LCTL: variants seen among roughly 807,000 people sequenced by gnomAD.
LCTL encodes lactase-like protein.
LCTL carries 76 observed loss-of-function variants against 75.8 expected under a neutral mutation model. That is an observed-to-expected ratio of 1.00 (90% CI 0.83 to 1.21). LCTL has a LOEUF of 1.21. Among genes scored for constraint, LCTL ranks in the 50% most tolerant of loss-of-function variants. The pLI, the probability that LCTL is intolerant of heterozygous loss-of-function variation, is 0.00. For missense variants in LCTL, 670 were observed against 712.4 expected (o/e 0.94, Z 0.68); for synonymous variants, 271 against 268.8 (o/e 1.01, Z -0.08).
intron 5 of LCTL, 34 bp from the exon 7 acceptor site, chr15:66,561,135 T>C (rs752315997): frequency 1.3e-5 from 21 of 1,613,980 alleles, no homozygotes; most frequent in Non-Finnish European, 1.7e-5. Flanking sequence ...ACAGGATCCA[T>C]AAGAAGTGGC....
chr15:66,563,537 C>T, exon 4 of LCTL: 1 of 1,612,196 alleles, frequency 6.2e-7, no homozygotes, highest in Admixed American at 1.7e-5. Context: ...CCCAGTGGTG[C>T]AAGGTCACGA....
intron 1 of LCTL, 21 bp downstream of exon 2, chr15:66,565,227 C>T (rs746287908): frequency 1.3e-4 from 191 of 1,501,392 alleles, no homozygotes; most frequent in Non-Finnish European, 1.7e-4. Context: ...GGCAGACAGA[C>T]GAACAGAGGC....
At chr15:66,559,726 C>T (rs1013130035) in intron 6 of LCTL, among the ~76,000 whole-genome samples, 1 of 151,962 alleles carries the variant, frequency 6.6e-6, no homozygotes, top group African/African-American at 2.4e-5. Flanking sequence ...TAAATAATCG[C>T]GTCTCTTCAG....
In LCTL at chr15:66,565,276, G is replaced by T. The variant is rs115106555; in HGVS notation, c.90C>A (p.Ala30=). The change falls in exon 1 of 13, where the codon GCC becomes GCA. Residue 30 remains alanine, a synonymous_variant. Transcript: ENST00000341509. Reference sequence around the variant, plus strand: ...GAGGGAAGGTTCCATAGTAGAAGGAGGCCTCTTCTGGGGACCCCTTCCGGG... The same window carrying T: ...GAGGGAAGGTTCCATAGTAGAAGGATGCCTCTTCTGGGGACCCCTTCCGGG... 1,467 of 1,613,238 alleles carry T rather than the reference G, an allele frequency of 9.1e-4. 8 individuals are homozygous for T. The African/African-American group carries it at 0.016, about 18-fold the overall frequency.
intron 8 of LCTL, among the ~76,000 whole-genome samples, chr15:66,556,968 C>A (rs1182695843): frequency 6.6e-6 from 1 of 152,042 alleles, no homozygotes; most frequent in Non-Finnish European, 1.5e-5. Flanking sequence ...CCAAGAAAGC[C>A]CACCCCAAAA....
intron 10 of LCTL, 45 bp downstream of exon 11, chr15:66,551,998 T>A (rs757157118): frequency 6.3e-7 from 1 of 1,587,560 alleles, no homozygotes; most frequent in South Asian, 1.2e-5. Context: ...ACATTTTGTC[T>A]CAGTTAAACG....
chr15:66,555,301 A>T (rs1029058547), intron 8 of LCTL, among the ~76,000 whole-genome samples: 13 of 147,250 alleles, frequency 8.8e-5, no homozygotes, highest in African/African-American at 2.2e-4. Context: ...TTAATTTTAA[A>T]TTTTTTTTTT....
chr15:66,552,972 T>G lies in LCTL; in HGVS notation c.1197+12A>C. ...TCTAAATGTCCTTTGAATAGCTGAA[T>G]GTGATAATCACCTGAGCAAAGTTAA... On this transcript the variant is annotated intron_variant, in intron 9 of 12. Transcript: ENST00000341509. 1 of 1,435,810 alleles carries G rather than the reference T, an allele frequency of 7.0e-7. No individual in the cohort carries two copies. The highest frequency in any genetic ancestry group is 9.2e-7 in the Non-Finnish European group (1 of 1,091,460). 88.9% of individuals were successfully genotyped at this position (1,435,810 alleles called of 1,614,324 possible). A position where few individuals can be genotyped will look rare whatever the true frequency, so the allele number is the denominator to read the frequency against.
chr15:66,554,814 G>GA lies in LCTL; in HGVS notation c.923-1557dup, dbSNP rs546687852. Among the ~76,000 whole-genome samples the GA allele has an allele frequency of 1.9e-3, 287 of 150,140 alleles. 5 individuals carry two copies. In the East Asian group the frequency reaches 0.05, roughly 26 times the overall value. On this transcript the variant is annotated intron_variant, in intron 8 of 12. Coordinates refer to ENST00000341509, the Ensembl canonical transcript of LCTL. ...AGCTTGCCAGGATATAGGTTTCAGTGAAAAAAAAAGCTTCAGAATGTTGCG... is the reference window on the plus strand; with the variant it reads ...AGCTTGCCAGGATATAGGTTTCAGTGAAAAAAAAAAGCTTCAGAATGTTGCG...
intron 8 of LCTL, among the ~76,000 whole-genome samples, chr15:66,555,575 CAT>C (rs1243205873): frequency 6.6e-6 from 1 of 151,866 alleles, no homozygotes; most frequent in African/African-American, 2.4e-5. Context: ...AAAAAGAAAA[CAT>C]AGAGCAAAAG....
At chr15:66,560,858 G>A (rs1280409934) in intron 6 of LCTL, 148 bp downstream of exon 7, 9 of 663,188 alleles carry the variant, frequency 1.4e-5, no homozygotes, top group Admixed American at 2.8e-5. Flanking sequence ...GACAGAACAC[G>A]CCCTCCATAA....
rs766058565 is a variant in LCTL at position 66,550,022 on chromosome 15, T to C, written c.1588+19A>G. ...TTAGTTTAATTATTAAAGGAAAACA[T>C]TGAAATATACTGACTCACCTGCAGC... is the stretch of plus-strand genomic sequence containing the variant. On this transcript the variant is annotated intron_variant, in intron 12 of 12. Transcript: ENST00000341509. 1.3e-6 allele frequency: 2 copies of C among 1,539,124 alleles called. No homozygotes were observed. The highest frequency in any genetic ancestry group is 2.0e-5 in the Admixed American group (1 of 49,406).
At chr15:66,553,021 A>T (rs1327806458) in exon 9 of LCTL, 1 of 1,518,632 alleles carries the variant, frequency 6.6e-7, no homozygotes, top group African/African-American at 1.4e-5. Context: ...TCCCCATGGC[A>T]CAGAATATAG....
At chr15:66,550,836 G>C (rs568319528) in intron 11 of LCTL, among the ~76,000 whole-genome samples, 154 of 152,168 alleles carry the variant, frequency 1.0e-3, no homozygotes, top group African/African-American at 3.5e-3. Flanking sequence ...ACAGAGAATA[G>C]AGAGCTGCTA....
At chr15:66,558,670 TG>T (rs1895800047) in intron 6 of LCTL, among the ~76,000 whole-genome samples, 1 of 102,218 alleles carries the variant, frequency 9.8e-6, no homozygotes, top group Non-Finnish European at 2.0e-5. Flanking sequence ...CTGTGGTTTT[TG>T]TGTGTGTGTG....
intron 6 of LCTL, among the ~76,000 whole-genome samples, chr15:66,560,554 A>G (rs920872176): frequency 9.9e-5 from 15 of 152,156 alleles, no homozygotes; most frequent in African/African-American, 3.6e-4. Flanking sequence ...CCTGCTCATT[A>G]TCGCTGCTTC....
At chr15:66,551,937 G>GA in intron 10 of LCTL, 76 bp from the exon 12 acceptor site, 2 of 1,529,042 alleles carry the variant, frequency 1.3e-6, no homozygotes, top group Non-Finnish European at 1.8e-6. Context: ...ATGTTAAAAT[G>GA]TTTTCATTTA....
chr15:66,558,560 A>G (rs1895795978), intron 6 of LCTL, among the ~76,000 whole-genome samples: 2 of 152,168 alleles, frequency 1.3e-5, no homozygotes, highest in Non-Finnish European at 2.9e-5. Context: ...TGATCTCCAG[A>G]CCAAGGTCAT....
chr15:66,563,520 G>A, exon 4 of LCTL: 1 of 1,609,612 alleles, frequency 6.2e-7, no homozygotes, highest in Non-Finnish European at 8.5e-7. Flanking sequence ...CCTCACCTGT[G>A]GCAGATCCCA....
Sources: gnomAD v4.1 joint callset for allele counts (sites outside exome capture counted in the v4.1 genomes callset) on GRCh38, gnomAD v4.1.1 for gene constraint, MANE v1.5 for transcripts, NCBI Gene and HGNC (gene_info 2026-07-23, HGNC 2026-07-21) for gene names.